Variants in SYN2 observed in about 807,000 individuals in gnomAD.
The protein encoded by SYN2 is synapsin-2.
Under a neutral mutation model 50.9 loss-of-function variants are expected in SYN2, and 19 were observed. The ratio of observed to expected loss-of-function variants is 0.37; its 90% CI spans 0.26 to 0.55. SYN2 has a LOEUF of 0.55. SYN2 is among the 20% of genes least tolerant of loss of function. SYN2 has a pLI of 0.81. For missense variants in SYN2, 587 were observed against 576.4 expected (o/e 1.02, Z -0.19); for synonymous variants, 255 against 224.9 (o/e 1.13, Z -1.20).
At chr3:12,085,009 T>C (rs1393805611) in intron 1 of SYN2, among the ~76,000 whole-genome samples, 1 of 135,100 alleles carries the variant, frequency 7.4e-6, no homozygotes, top group African/African-American at 2.7e-5. Context: ...AAAAAAAAAA[T>C]CAGCAAATTG....
In SYN2 at chr3:12,045,583, C is replaced by T. The variant is rs555946253; in HGVS notation, c.377+40655C>T. ...TAACAATCATTTGATTAGTGCTTTA[C>T]ATTTTACAAAGTACTTTCACTATGC... On this transcript the variant is annotated intron_variant, in intron 1 of 12. Transcript: ENST00000621198. Among the ~76,000 whole-genome samples the T allele has an allele frequency of 1.4e-4, 18 of 129,848 alleles. No homozygotes were observed. In the East Asian group the frequency reaches 3.8e-3, roughly 27 times the overall value. The allele number at this position is 129,848 out of a possible 152,430, so 85.2% of individuals were successfully genotyped here.
At chr3:12,069,795 T>C (rs1216051057) in intron 1 of SYN2, among the ~76,000 whole-genome samples, 16 of 151,846 alleles carry the variant, frequency 1.1e-4, no homozygotes. Context: ...CGGTTTTGTT[T>C]ATTTGTTTTG....
At chr3:12,088,450 T>A (rs1050141923) in intron 1 of SYN2, among the ~76,000 whole-genome samples, 6 of 152,076 alleles carry the variant, frequency 3.9e-5, no homozygotes, top group African/African-American at 1.2e-4. Context: ...GCACTATTGG[T>A]GGGAAGGTAA....
At chr3:12,099,132 C>T (rs1175049213) in intron 1 of SYN2, among the ~76,000 whole-genome samples, 1 of 152,036 alleles carries the variant, frequency 6.6e-6, no homozygotes, top group African/African-American at 2.4e-5. Flanking sequence ...GACTTCAGTA[C>T]TTCACCTTCA....
rs187385174 is a variant in SYN2, at chr3:12,095,077, G to A, written c.378-45574G>A. ...GTTCTGAAGAACTTCAACACCAGCA[G>A]ACAGGTTGAAGAACCAGGAAACTAG... On this transcript the variant is annotated intron_variant, in intron 1 of 12. Coordinates refer to ENST00000621198, the MANE Select transcript of SYN2 (RefSeq NM_133625.6). Among the ~76,000 whole-genome samples the A allele has an allele frequency of 6.7e-3, 1,026 of 152,226 alleles. 6 individuals are homozygous for A. The highest frequency in any genetic ancestry group is 9.4e-3 in the Non-Finnish European group (641 of 68,006).
At position 12,109,477 on chromosome 3, in the gene SYN2, T is replaced by C. The variant is rs1696269746; in HGVS notation, c.378-31174T>C. ...TTTACCTTCTCCTTTTTGTTTGAAA[T>C]GGTTATACTAGTTATGTAGTATCAG... On this transcript the variant is annotated intron_variant, in intron 1 of 12. Coordinates refer to ENST00000621198, the MANE Select transcript of SYN2 (RefSeq NM_133625.6). 2.0e-5 allele frequency among the ~76,000 whole-genome samples: 3 copies of C among 152,230 alleles called. No individual in the cohort carries two copies. In the South Asian group the frequency reaches 6.2e-4, roughly 31 times the overall value.
At chr3:12,139,222 G>C (rs1696963311) in intron 1 of SYN2, among the ~76,000 whole-genome samples, 1 of 152,204 alleles carries the variant, frequency 6.6e-6, no homozygotes, top group Admixed American at 6.5e-5. Context: ...AGAACCCATA[G>C]AGAAAAGGAA....
At chr3:12,095,713 T>G (rs1443376481) in intron 1 of SYN2, among the ~76,000 whole-genome samples, 3 of 150,204 alleles carry the variant, frequency 2.0e-5, no homozygotes, top group Non-Finnish European at 4.4e-5. Flanking sequence ...TTAGTATCTT[T>G]TCATCATCAT....
chr3:12,033,804 A>G (rs541069523), intron 1 of SYN2, among the ~76,000 whole-genome samples: 18 of 152,294 alleles, frequency 1.2e-4, no homozygotes, highest in African/African-American at 4.1e-4. Context: ...ATCTTAGCAT[A>G]ATGTTTTCAG....
At chr3:12,023,957 T>C (rs1375492923) in intron 1 of SYN2, among the ~76,000 whole-genome samples, 1 of 152,096 alleles carries the variant, frequency 6.6e-6, no homozygotes, top group Non-Finnish European at 1.5e-5. Flanking sequence ...CAATCTGTTA[T>C]TGCTTCCAAA....
chr3:12,036,156 T>G (rs1278068647), intron 1 of SYN2, among the ~76,000 whole-genome samples: 1 of 152,138 alleles, frequency 6.6e-6, no homozygotes, highest in African/African-American at 2.4e-5. Flanking sequence ...CTGCTCCATC[T>G]TAGGCTGACC....
intron 5 of SYN2, chr3:12,153,441 C>T: frequency 6.4e-7 from 1 of 1,566,214 alleles, no homozygotes; most frequent in South Asian, 1.1e-5. Context: ...TGGTAATGGC[C>T]AAAGCTCTGC....
At chr3:12,186,652 C>G (rs1408842134) in intron 11 of SYN2, among the ~76,000 whole-genome samples, 3 of 152,094 alleles carry the variant, frequency 2.0e-5, no homozygotes, top group African/African-American at 7.2e-5. Context: ...TGAGTTAATG[C>G]TAAAATGAAG....
At chr3:12,027,345 A>G (rs1371404634) in intron 1 of SYN2, among the ~76,000 whole-genome samples, 1 of 152,194 alleles carries the variant, frequency 6.6e-6, no homozygotes, top group African/African-American at 2.4e-5. Context: ...AGCCTGATAT[A>G]ATGAGCCTGT....
intron 10 of SYN2, among the ~76,000 whole-genome samples, chr3:12,177,905 A>T (rs1574889510): frequency 1.3e-5 from 2 of 152,252 alleles, no homozygotes; most frequent in East Asian, 3.9e-4. Context: ...ACTCCAGGAG[A>T]TGAGCTCTGC....
rs563048300 is a variant in SYN2 at position 12,139,079 on chromosome 3, G to A, written c.378-1572G>A. 3.5e-4 allele frequency among the ~76,000 whole-genome samples: 53 copies of A among 152,286 alleles called. No homozygotes were observed. In the South Asian group the frequency reaches 6.0e-3, roughly 17 times the overall value. ...AACAAGCTGGTGTGAAGCTTAATAA[G>A]AAATTGGGGCAGAGGTGGGGGGTGG... On this transcript the variant is annotated intron_variant, in intron 1 of 12. Transcript: ENST00000621198.
intron 1 of SYN2, among the ~76,000 whole-genome samples, chr3:12,051,469 G>A (rs912866798): frequency 2.0e-5 from 3 of 147,738 alleles, no homozygotes; most frequent in Non-Finnish European, 3.0e-5. Flanking sequence ...GTTTTGGGTC[G>A]TAGTGGTCTG....
At chr3:12,133,892 G>C (rs140626123) in intron 1 of SYN2, among the ~76,000 whole-genome samples, 107 of 152,310 alleles carry the variant, frequency 7.0e-4, no homozygotes, top group African/African-American at 2.5e-3. Flanking sequence ...CATTATCCTA[G>C]AATATTGGCA....
chr3:12,065,115 A>C (rs1243146117), intron 1 of SYN2, among the ~76,000 whole-genome samples: 2 of 152,164 alleles, frequency 1.3e-5, no homozygotes, highest in South Asian at 4.1e-4. Context: ...CGCCAGTAAC[A>C]ATCATCAAAT....
Sources: gnomAD v4.1 joint callset for allele counts (sites outside exome capture counted in the v4.1 genomes callset) on GRCh38, gnomAD v4.1.1 for gene constraint, MANE v1.5 for transcripts, NCBI Gene and HGNC (gene_info 2026-07-23, HGNC 2026-07-21) for gene names.